GMDS: variants seen among roughly 807,000 people sequenced by gnomAD.
The protein encoded by GMDS is GDP-mannose 4,6 dehydratase.
Under a neutral mutation model 49.9 loss-of-function variants are expected in GMDS, and 20 were observed. That is an observed-to-expected ratio of 0.40 (90% confidence interval 0.28 to 0.58). GMDS has a LOEUF of 0.58. Ranked by LOEUF, GMDS falls within the 20% of genes least tolerant of loss-of-function variation. The probability of loss-of-function intolerance (pLI) is 0.42; values close to 1 mark genes in which losing one functional copy is unlikely to be tolerated. For synonymous variants in GMDS, 177 were observed against 178.6 expected (o/e 0.99, Z 0.07); for missense variants, 362 against 481.4 (o/e 0.75, Z 2.32).
At chr6:2,047,986 T>C (rs962310342) in intron 4 of GMDS, among the ~76,000 whole-genome samples, 3 of 152,190 alleles carry the variant, frequency 2.0e-5, no homozygotes, top group Non-Finnish European at 4.4e-5. Flanking sequence ...CATAATGCTA[T>C]ACCCCTGGGT....
At chr6:2,056,436 A>G (rs548121335) in intron 4 of GMDS, among the ~76,000 whole-genome samples, 13 of 152,324 alleles carry the variant, frequency 8.5e-5, no homozygotes, top group African/African-American at 3.1e-4. Context: ...GTTCACCAAT[A>G]CCATAAGCCT....
intron 3 of GMDS, 70 bp from the exon 4 acceptor site, chr6:2,115,950 A>C: frequency 1.1e-6 from 1 of 874,442 alleles, no homozygotes; most frequent in Non-Finnish European, 1.9e-6. Context: ...AAACATCAAA[A>C]TTGAAATGCA....
intron 1 of GMDS, among the ~76,000 whole-genome samples, chr6:2,161,018 C>CT (rs940429195): frequency 3.0e-4 from 45 of 148,850 alleles, no homozygotes; most frequent in Non-Finnish European, 3.3e-4. Flanking sequence ...TATATGTTAA[C>CT]TTTTTTTTTT....
At chr6:1,780,617 C>A (rs1229343844) in intron 7 of GMDS, among the ~76,000 whole-genome samples, 2 of 152,198 alleles carry the variant, frequency 1.3e-5, no homozygotes, top group East Asian at 3.9e-4. Context: ...CTGCTGGGTG[C>A]CAGGCCCAGG....
chr6:2,085,465 C>T (rs1281204226), intron 4 of GMDS, among the ~76,000 whole-genome samples: 1 of 152,186 alleles, frequency 6.6e-6, no homozygotes, highest in East Asian at 1.9e-4. Context: ...ACACATTTAG[C>T]AGTCATATGC....
chr6:1,853,567 AGTGT>A (rs70992106), intron 7 of GMDS, among the ~76,000 whole-genome samples: 2 of 146,648 alleles, frequency 1.4e-5, no homozygotes, highest in Admixed American at 6.7e-5. Flanking sequence ...AACTCATATG[AGTGT>A]GTGTGTGTGT....
chr6:1,699,604 T>A (rs1765470203), intron 9 of GMDS, among the ~76,000 whole-genome samples: 1 of 152,152 alleles, frequency 6.6e-6, no homozygotes, highest in Admixed American at 6.5e-5. Flanking sequence ...CTTCCTTGAA[T>A]CACCCTGACC....
chr6:2,174,432 A>C (rs1778168404), intron 1 of GMDS, among the ~76,000 whole-genome samples: 1 of 152,234 alleles, frequency 6.6e-6, no homozygotes, highest in Non-Finnish European at 1.5e-5. Flanking sequence ...CAGAGTATCT[A>C]AATCAAGGAT....
At chr6:1,839,683 G>A (rs1187616121) in intron 7 of GMDS, among the ~76,000 whole-genome samples, 5 of 152,190 alleles carry the variant, frequency 3.3e-5, no homozygotes, top group Non-Finnish European at 5.9e-5. Flanking sequence ...TTTTCACCCT[G>A]GAAGTGGAAA....
At chr6:2,210,853 C>A (rs969538391) in intron 1 of GMDS, among the ~76,000 whole-genome samples, 4 of 152,164 alleles carry the variant, frequency 2.6e-5, no homozygotes, top group Non-Finnish European at 4.4e-5. Flanking sequence ...TAATTCCCAG[C>A]ACTGAGGGAG....
chr6:2,204,804 A>G (rs1371050192), intron 1 of GMDS, among the ~76,000 whole-genome samples: 1 of 152,150 alleles, frequency 6.6e-6, no homozygotes. Context: ...CCTTTCGCCT[A>G]CTGGTAAAAG....
intron 9 of GMDS, among the ~76,000 whole-genome samples, chr6:1,714,053 T>A (rs555695990): frequency 1.6e-4 from 25 of 152,348 alleles, no homozygotes; most frequent in Middle Eastern, 3.4e-3. Flanking sequence ...AGTCTCACTC[T>A]GTCGCCCAGG....
At chr6:2,000,798 A>C (rs1252352842) in intron 4 of GMDS, among the ~76,000 whole-genome samples, 1 of 152,210 alleles carries the variant, frequency 6.6e-6, no homozygotes, top group African/African-American at 2.4e-5. Context: ...AGTAACTGGA[A>C]CTATAGGCAT....
intron 9 of GMDS, among the ~76,000 whole-genome samples, chr6:1,682,297 C>G (rs867933013): frequency 6.6e-6 from 1 of 152,192 alleles, no homozygotes; most frequent in African/African-American, 2.4e-5. Flanking sequence ...CTTCATAACA[C>G]CTTCAGACAG....
chr6:1,695,332 A>G (rs1449513682), intron 9 of GMDS, among the ~76,000 whole-genome samples: 3 of 152,188 alleles, frequency 2.0e-5, no homozygotes, highest in African/African-American at 7.2e-5. Flanking sequence ...TAGCATTGAA[A>G]CGGTAGAATG....
chr6:1,916,356 A>G (rs1174533633), intron 7 of GMDS, among the ~76,000 whole-genome samples: 2 of 151,936 alleles, frequency 1.3e-5, no homozygotes, highest in African/African-American at 4.8e-5. Flanking sequence ...GGCTGTTCAT[A>G]CTCAAGATGC....
Position 1,839,457 on chromosome 6 carries a change from T to C in GMDS, c.771+90646A>G, listed in dbSNP as rs574878156. The stretch of plus-strand genomic sequence containing the variant: ...AGCTGTCAAATTTATTTCCCTTTGG[T>C]GAAATATACCCTGGATTTAATTAGC... On this transcript the variant is annotated intron_variant, in intron 7 of 10. Transcript: ENST00000380815. Among the ~76,000 whole-genome samples, 8 of 152,296 alleles carry C rather than the reference T, an allele frequency of 5.3e-5. No individual in the cohort carries two copies. In the East Asian group the frequency reaches 7.7e-4, roughly 15 times the overall value.
At chr6:2,061,130 G>C in intron 4 of GMDS, among the ~76,000 whole-genome samples, 1 of 152,158 alleles carries the variant, frequency 6.6e-6, no homozygotes, top group East Asian at 1.9e-4. Context: ...TCCTGGGTCT[G>C]CAAGAAGGCC....
At chr6:1,849,936 C>T (rs76464979) in intron 7 of GMDS, among the ~76,000 whole-genome samples, 4,487 of 152,142 alleles carry the variant, frequency 0.029, 198 homozygotes, top group African/African-American at 0.098. Context: ...ATAGGAAGTT[C>T]GTTTTTCAAA....
Sources: gnomAD v4.1 joint callset for allele counts (sites outside exome capture counted in the v4.1 genomes callset) on GRCh38, gnomAD v4.1.1 for gene constraint, MANE v1.5 for transcripts, NCBI Gene and HGNC (gene_info 2026-07-23, HGNC 2026-07-21) for gene names.